LIPC: variants seen among roughly 807,000 people sequenced by gnomAD.
LIPC encodes hepatic triacylglycerol lipase.
In LIPC, 44 loss-of-function variants were observed where a neutral mutation model predicts 50.7. The observed-to-expected ratio is 0.87, with a 90% CI of 0.68 to 1.11. LIPC has a LOEUF of 1.11. Ranked by LOEUF, LIPC falls within the 50% of genes most tolerant of loss-of-function variation. The pLI, the probability that LIPC is intolerant of heterozygous loss-of-function variation, is 0.00. For missense variants in LIPC, 697 were observed against 648.2 expected (o/e 1.08, Z -0.82); for synonymous variants, 271 against 256.4 (o/e 1.06, Z -0.54).
rs1453926890 is a variant in LIPC at position 58,474,320 on chromosome 15, C to A, written c.88+42200C>A. ...TTCACTTGAGCCCAGAAGTTTGAGA[C>A]CAGCCGGGCAATATAAAGAGACCCC... On this transcript the variant is annotated intron_variant, in intron 1 of 8. Transcript: ENST00000299022. Among the ~76,000 whole-genome samples the A allele has an allele frequency of 2.6e-5, 4 of 152,162 alleles. No homozygotes were observed. In the East Asian group the frequency reaches 5.8e-4, roughly 22 times the overall value.
chr15:58,498,864 G>A (rs1246005963), intron 1 of LIPC: 1 of 152,236 alleles, frequency 6.6e-6, no homozygotes, highest in Non-Finnish European at 1.5e-5. Flanking sequence ...AAACTGCCAG[G>A]GAAAGAATGC....
chr15:58,507,423 A>T (rs1892187393), intron 1 of LIPC, among the ~76,000 whole-genome samples: 1 of 152,170 alleles, frequency 6.6e-6, no homozygotes, highest in Non-Finnish European at 1.5e-5. Context: ...AAATAAGAAA[A>T]TTCCTGTTCT....
At position 58,486,192 on chromosome 15, in the gene LIPC, T is replaced by C. The variant is rs1891370726; in HGVS notation, c.89-52141T>C. On this transcript the variant is annotated intron_variant, in intron 1 of 8. Transcript: ENST00000299022. ...TGTCACTGTCCCTCTGCCTGGTTCC[T>C]CCTCCTCTCTTATCTGCCTGGAGAG... Among the ~76,000 whole-genome samples the C allele has an allele frequency of 2.0e-5, 3 of 152,320 alleles. No homozygotes were observed. The South Asian group carries it at 6.2e-4, about 32-fold the overall frequency.
chr15:58,442,078 A>G (rs1893526716), intron 1 of LIPC, among the ~76,000 whole-genome samples: 2 of 152,064 alleles, frequency 1.3e-5, no homozygotes, highest in South Asian at 4.1e-4. Flanking sequence ...GTCTCTTAAT[A>G]CCTATGCCCT....
At chr15:58,534,681 C>A (rs1421739128) in intron 1 of LIPC, among the ~76,000 whole-genome samples, 1 of 152,144 alleles carries the variant, frequency 6.6e-6, no homozygotes, top group Non-Finnish European at 1.5e-5. Context: ...AGTGCCTGGC[C>A]ACCAGGAATG....
At chr15:58,528,220 T>G (rs1892850643) in intron 1 of LIPC, among the ~76,000 whole-genome samples, 1 of 152,032 alleles carries the variant, frequency 6.6e-6, no homozygotes, top group Non-Finnish European at 1.5e-5. Context: ...CAAGCGTTTA[T>G]CTTTGCCCAG....
intron 8 of LIPC, among the ~76,000 whole-genome samples, chr15:58,568,371 G>A (rs188267947): frequency 2.8e-4 from 42 of 152,312 alleles, no homozygotes; most frequent in African/African-American, 9.9e-4. Flanking sequence ...AGAAATGTTT[G>A]CCCTGAAGTC....
At chr15:58,507,785 T>C (rs1892200758) in intron 1 of LIPC, among the ~76,000 whole-genome samples, 1 of 152,230 alleles carries the variant, frequency 6.6e-6, no homozygotes, top group African/African-American at 2.4e-5. Context: ...GAATTTATTT[T>C]AACATGTCTA....
chr15:58,548,702 A>G, intron 6 of LIPC, 130 bp downstream of exon 6: 2 of 1,286,910 alleles, frequency 1.6e-6, no homozygotes, highest in Non-Finnish European at 2.2e-6. Context: ...GAAACTGTGC[A>G]GGCTCCAGAC....
intron 1 of LIPC, among the ~76,000 whole-genome samples, chr15:58,466,354 A>C (rs1299020669): frequency 2.0e-5 from 3 of 152,208 alleles, no homozygotes; most frequent in African/African-American, 7.2e-5. Context: ...CAGGTGTCTT[A>C]GTTTCGTGAA....
At chr15:58,519,685 A>T (rs1892594608) in intron 1 of LIPC, among the ~76,000 whole-genome samples, 1 of 152,226 alleles carries the variant, frequency 6.6e-6, no homozygotes, top group African/African-American at 2.4e-5. Context: ...GAATATTTAC[A>T]GAATAGCGCA....
intron 1 of LIPC, among the ~76,000 whole-genome samples, chr15:58,432,543 G>A (rs1454038847): frequency 6.6e-6 from 1 of 152,198 alleles, no homozygotes; most frequent in East Asian, 1.9e-4. Context: ...TCTCAGAAGA[G>A]AGGGGAATTT....
intron 8 of LIPC, among the ~76,000 whole-genome samples, chr15:58,567,094 C>T (rs1029112363): frequency 2.0e-5 from 3 of 150,744 alleles, no homozygotes; most frequent in Non-Finnish European, 2.9e-5. Flanking sequence ...CCCAGCTACT[C>T]GGGAGGCTGA....
At chr15:58,483,947 G>T (rs752524606) in intron 1 of LIPC, among the ~76,000 whole-genome samples, 5 of 152,128 alleles carry the variant, frequency 3.3e-5, no homozygotes, top group Non-Finnish European at 7.4e-5. Context: ...GAGGTTTATT[G>T]TTTGCTTTTA....
At chr15:58,436,493 T>G in intron 1 of LIPC, 1 of 247,794 alleles carries the variant, frequency 4.0e-6, no homozygotes. Flanking sequence ...GTATTTGTCT[T>G]TTTAAAAATT....
At chr15:58,485,118 T>C (rs1373764320) in intron 1 of LIPC, among the ~76,000 whole-genome samples, 1 of 152,152 alleles carries the variant, frequency 6.6e-6, no homozygotes, top group Non-Finnish European at 1.5e-5. Context: ...GCAGGGGTAA[T>C]AGCATCAGTT....
intron 1 of LIPC, among the ~76,000 whole-genome samples, chr15:58,451,566 C>T (rs980032007): frequency 6.6e-6 from 1 of 152,146 alleles, no homozygotes; most frequent in Non-Finnish European, 1.5e-5. Flanking sequence ...CAGGTGTCCA[C>T]CCCTGAATAG....
chr15:58,445,018 G>T (rs931524242), intron 1 of LIPC, among the ~76,000 whole-genome samples: 1 of 152,234 alleles, frequency 6.6e-6, no homozygotes, highest in African/African-American at 2.4e-5. Context: ...CAGACAGGGG[G>T]CCTGTGCTGA....
chr15:58,547,029 CA>C (rs1263082032), intron 5 of LIPC, among the ~76,000 whole-genome samples: 2 of 150,882 alleles, frequency 1.3e-5, no homozygotes, highest in African/African-American at 4.9e-5. Flanking sequence ...CCCCACCCAA[CA>C]AAGCTCAGTA....
Sources: allele counts gnomAD v4.1 joint callset (sites outside exome capture counted in the v4.1 genomes callset), GRCh38; gene constraint gnomAD v4.1.1; transcripts MANE v1.5; gene names NCBI Gene and HGNC (gene_info 2026-07-23, HGNC 2026-07-21).